The following PAPOLA variants were observed in gnomAD, a reference collection of about 807,000 sequenced individuals.
PAPOLA encodes the protein poly(A) polymerase alpha.
In PAPOLA, 15 loss-of-function variants were observed where a neutral mutation model predicts 100.6. The ratio of observed to expected loss-of-function variants is 0.15; its 90% confidence interval spans 0.10 to 0.23. The LOEUF (loss-of-function observed/expected upper bound fraction) is 0.23. Among genes scored for constraint, PAPOLA ranks in the 10% least tolerant of loss-of-function variants. The probability of loss-of-function intolerance (pLI) is 1.00; values close to 1 mark genes in which losing one functional copy is unlikely to be tolerated. For missense variants in PAPOLA, 533 were observed against 884.2 expected, an observed-to-expected ratio of 0.60 and a Z score of 5.04; for synonymous variants, 293 against 300.0, an observed-to-expected ratio of 0.98 and a Z score of 0.24.
At chr14:96,528,540 C>T (rs971170167) in intron 6 of PAPOLA, among the ~76,000 whole-genome samples, 2 of 152,128 alleles carry the variant, frequency 1.3e-5, no homozygotes, top group Non-Finnish European at 2.9e-5. Flanking sequence ...TTTTGCTGTA[C>T]AGAATGGTAC....
chr14:96,527,365 T>A, intron 4 of PAPOLA, 65 bp from the exon 5 acceptor site: 1 of 945,082 alleles, frequency 1.1e-6, no homozygotes, highest in Non-Finnish European at 1.7e-6. Context: ...AATACTACCA[T>A]GATAGGATGC....
chr14:96,516,954 G>A (rs28718054), intron 1 of PAPOLA, among the ~76,000 whole-genome samples: 37,813 of 151,892 alleles, frequency 0.25, 5,042 homozygotes, highest in African/African-American at 0.36. Context: ...AAAAAAATGG[G>A]AAGATTTAGG....
rs767162619 is a variant in PAPOLA, at chr14:96,556,264, A to G, written c.1855A>G (p.Thr619Ala). The G allele has an allele frequency of 2.7e-5, 43 of 1,614,004 alleles. 2 individuals carry two copies. The Middle Eastern group carries it at 3.0e-3, about 111-fold the overall frequency. Residue 619 changes from threonine to alanine, a missense_variant, in exon 19 of 22, where the codon ACA becomes GCA. By Grantham distance (58) the Thr-to-Ala change is moderately conservative. Around this residue, in one of 9 missense-constraint regions of PAPOLA, gnomAD observed 242 missense variants for 281.0 expected, o/e 0.86. Transcript: ENST00000216277. ...KPTVSRVVSS[T>A]RLVNPPPRSS... ...TACGGTCTCCAGAGTTGTTTCTTCA[A>G]CACGTCTGGTAAACCCACCACCTAG... is the stretch of plus-strand genomic sequence containing the variant.
intron 15 of PAPOLA, among the ~76,000 whole-genome samples, 181 bp downstream of exon 15, chr14:96,544,439 G>A (rs921741546): frequency 6.6e-6 from 1 of 151,990 alleles, no homozygotes. Context: ...CACAATGCTT[G>A]GGACCAGAAG....
chr14:96,553,511 TAAA>T (rs758321681), intron 17 of PAPOLA: 13 of 130,258 alleles, frequency 1.0e-4, no homozygotes, highest in Non-Finnish European at 1.5e-4. Context: ...GACCCTGTCT[TAAA>T]AAAAAAAAAA....
At chr14:96,522,123 T>TTG (rs1555392015) in intron 3 of PAPOLA, among the ~76,000 whole-genome samples, 2 of 128,410 alleles carry the variant, frequency 1.6e-5, no homozygotes. Flanking sequence ...TTTCTTTTTT[T>TTG]TTTTTTTTTT....
At chr14:96,557,069 AG>A (rs1901401817) in intron 19 of PAPOLA, among the ~76,000 whole-genome samples, 1 of 152,062 alleles carries the variant, frequency 6.6e-6, no homozygotes, top group South Asian at 2.1e-4. Flanking sequence ...GTTTTGAGAC[AG>A]GGGCTGGCTC....
intron 1 of PAPOLA, among the ~76,000 whole-genome samples, chr14:96,505,694 T>C (rs1250213070): frequency 6.6e-6 from 1 of 152,086 alleles, no homozygotes; most frequent in East Asian, 1.9e-4. Context: ...CTGTGGATGC[T>C]TGGGGAGGGG....
intron 11 of PAPOLA, 169 bp from the exon 12 acceptor site, chr14:96,536,807 A>G: frequency 2.3e-6 from 1 of 439,170 alleles, no homozygotes; most frequent in Middle Eastern, 5.7e-4. Flanking sequence ...TTTTTAAAAA[A>G]AAAATGTGTA....
At position 96,521,726 on chromosome 14, in the gene PAPOLA, A is replaced by T. The variant is rs540723942; in HGVS notation, c.249+654A>T. Among the ~76,000 whole-genome samples, 3 of 152,220 alleles carry T rather than the reference A, an allele frequency of 2.0e-5. No individual in the cohort carries two copies. The East Asian group carries it at 5.8e-4, about 29-fold the overall frequency. On this transcript the variant is annotated intron_variant, in intron 3 of 21. Coordinates refer to ENST00000216277, the MANE Select transcript of PAPOLA (RefSeq NM_032632.5). Reference sequence around the variant, plus strand: ...ACTCCTAGCCTCAAGCAGTCCTCTCATCTTGGCCTCCCAAAGTGCTAGTGT... The same window carrying T: ...ACTCCTAGCCTCAAGCAGTCCTCTCTTCTTGGCCTCCCAAAGTGCTAGTGT...
chr14:96,556,195 C>T lies in PAPOLA; in HGVS notation c.1786C>T (p.Pro596Ser). The T allele has an allele frequency of 6.2e-7, 1 of 1,613,906 alleles. No homozygotes were observed. The highest frequency in any genetic ancestry group is 8.5e-7 in the Non-Finnish European group (1 of 1,179,908). Residue 596 changes from proline to serine, a missense_variant, in exon 19 of 22, where the codon CCT becomes TCT. Coordinates refer to ENST00000216277, the MANE Select transcript of PAPOLA (RefSeq NM_032632.5). Reference sequence around the variant, plus strand: ...CTTAGGTACATCGAGTGAAAGCATTCCTCAAACTGCCACACAACCAGCCAT... The same window carrying T: ...CTTAGGTACATCGAGTGAAAGCATTTCTCAAACTGCCACACAACCAGCCAT... ...SSGGTSSESI[P>S]QTATQPAISP...
At chr14:96,508,929 A>G (rs1896914553) in intron 1 of PAPOLA, among the ~76,000 whole-genome samples, 1 of 152,220 alleles carries the variant, frequency 6.6e-6, no homozygotes, top group South Asian at 2.1e-4. Context: ...TAAATTGTAG[A>G]TTGGGGCTTA....
chr14:96,506,969 A>C (rs1896757762), intron 1 of PAPOLA, among the ~76,000 whole-genome samples: 2 of 152,184 alleles, frequency 1.3e-5, no homozygotes, highest in Admixed American at 6.5e-5. Context: ...AAAATACTAA[A>C]TACTCCTCTT....
chr14:96,519,582 A>G (rs572881498), intron 1 of PAPOLA, among the ~76,000 whole-genome samples: 17 of 152,304 alleles, frequency 1.1e-4, no homozygotes, highest in African/African-American at 3.8e-4. Context: ...GGAAAGAACT[A>G]TATTCAGTTC....
chr14:96,543,366 TA>T (rs1411396082), intron 14 of PAPOLA, among the ~76,000 whole-genome samples: 1 of 152,116 alleles, frequency 6.6e-6, no homozygotes, highest in East Asian at 1.9e-4. Flanking sequence ...TTTACCTTTT[TA>T]GGGGTCTTTT....
At chr14:96,523,198 A>T (rs1005480956) in intron 3 of PAPOLA, among the ~76,000 whole-genome samples, 1 of 152,140 alleles carries the variant, frequency 6.6e-6, no homozygotes, top group Non-Finnish European at 1.5e-5. Context: ...AAGATTTTGC[A>T]AGTGAAAATG....
intron 3 of PAPOLA, 34 bp downstream of exon 3, chr14:96,521,106 A>T (rs1897925521): frequency 2.1e-6 from 2 of 968,382 alleles, no homozygotes; most frequent in African/African-American, 3.2e-5. Flanking sequence ...AAATAATTTC[A>T]TATATAGCCA....
chr14:96,531,502 C>G lies in PAPOLA; in HGVS notation c.523C>G (p.Leu175Val), dbSNP rs1238301027. Residue 175 changes from leucine (L) to valine (V), a missense_variant, in exon 7 of 22, where the codon CTG becomes GTG. Around this residue, in one of 9 missense-constraint regions of PAPOLA, gnomAD observed 33 missense variants for 39.2 expected, o/e 0.84. Coordinates refer to ENST00000216277, the MANE Select transcript of PAPOLA (RefSeq NM_032632.5). ...EIDILFARLALQTIPEDLDLR... is the reference protein window; with the variant it reads ...EIDILFARLAVQTIPEDLDLR... ...TGATATTTTGTTTGCAAGATTAGCA[C>G]TGCAGACAATTCCTGAAGATTTGGA... 3 of 1,610,022 alleles carry G rather than the reference C, an allele frequency of 1.9e-6. No individual in the cohort carries two copies. The highest frequency in any genetic ancestry group is 2.5e-6 in the Non-Finnish European group (3 of 1,177,142).
chr14:96,553,158 A>G (rs1900987359), intron 17 of PAPOLA: 1 of 152,410 alleles, frequency 6.6e-6, no homozygotes, highest in African/African-American at 2.4e-5. Context: ...CGATCCTCCT[A>G]CTTCAACCTT....
Sources: gnomAD v4.1 joint callset for allele counts (sites outside exome capture counted in the v4.1 genomes callset) on GRCh38, gnomAD v4.1.1 for gene constraint, gnomAD v4.1.1 regional missense constraint, MANE v1.5 for transcripts, NCBI Gene and HGNC (gene_info 2026-07-23, HGNC 2026-07-21) for gene names.